Variants in COL27A1 observed in about 807,000 individuals in gnomAD.
The protein encoded by COL27A1 is collagen alpha-1(XXVII) chain.
COL27A1 carries 106 observed loss-of-function variants against 251.3 expected under a neutral mutation model. The observed-to-expected ratio is 0.42, with a 90% confidence interval of 0.36 to 0.50. COL27A1 has a LOEUF of 0.50. COL27A1 is among the 20% of genes least tolerant of loss of function. The pLI is 0.00. For synonymous variants in COL27A1, 1,000 were observed against 986.3 expected, an observed-to-expected ratio of 1.01 and a Z score of -0.26; for missense variants, 2,325 against 2,522.8, an observed-to-expected ratio of 0.92 and a Z score of 1.68.
chr9:114,169,530 G>C, intron 3 of COL27A1, 67 bp downstream of exon 3: 1 of 1,282,606 alleles, frequency 7.8e-7, no homozygotes, highest in Non-Finnish European at 1.1e-6. Context: ...TGGTCAAGTG[G>C]TTGCCCCTAG....
chr9:114,292,141 C>A lies in COL27A1; in HGVS notation c.4515C>A (p.Gly1505=). The change falls in exon 49 of 61, where the codon GGC becomes GGA. Residue 1505 remains glycine (G), a synonymous_variant. Coordinates refer to ENST00000356083, the MANE Select transcript of COL27A1 (RefSeq NM_032888.4). ...TACCCGGACAGCTGGGTCCCCCTGG[C>A]AAGCGAGGAACAGAGGGCAGAACGG... ...SGLPGQLGPP[G]KRGTEGRTGL... 1.3e-6 allele frequency: 2 copies of A among 1,561,566 alleles called. No individual in the cohort carries two copies. Among genetic ancestry groups the A allele is most frequent in the Non-Finnish European group, 8.7e-7 (1 of 1,152,650 alleles).
chr9:114,203,011 AT>A (rs1175742245), intron 7 of COL27A1, among the ~76,000 whole-genome samples: 2 of 152,218 alleles, frequency 1.3e-5, no homozygotes, highest in Non-Finnish European at 2.9e-5. Flanking sequence ...GTACAGTTCG[AT>A]AGCGTTAGGT....
intron 7 of COL27A1, among the ~76,000 whole-genome samples, chr9:114,201,329 G>A (rs879298137): frequency 5.3e-5 from 8 of 152,212 alleles, no homozygotes; most frequent in South Asian, 4.1e-4. Flanking sequence ...TTGGCGGGGC[G>A]CTGCACAAGA....
chr9:114,196,153 TGA>T (rs1829108480), intron 7 of COL27A1, 141 bp downstream of exon 7: 1 of 750,812 alleles, frequency 1.3e-6, no homozygotes, highest in Non-Finnish European at 2.3e-6. Flanking sequence ...GGGTGAGAGG[TGA>T]GAGAGCTTTC....
chr9:114,169,029 G>T lies in COL27A1; in HGVS notation c.1474G>T (p.Ala492Ser), dbSNP rs765973811. Reference sequence around the variant, plus strand: ...ATTTACTGCTTTATCCTCATCTCCTGCCCCTACTCCTGGTTCTACCAGGAG... The same window carrying T: ...ATTTACTGCTTTATCCTCATCTCCTTCCCCTACTCCTGGTTCTACCAGGAG... The part of the protein sequence containing the change: ...PPFTALSSSP[A>S]PTPGSTRSTR... Residue 492 changes from alanine (A) to serine (S), a missense_variant, in exon 3 of 61, where the codon GCC becomes TCC. Transcript: ENST00000356083. 1.1e-5 allele frequency: 17 copies of T among 1,613,794 alleles called. No homozygotes were observed. Among genetic ancestry groups the T allele is most frequent in the Non-Finnish European group, 1.4e-5 (16 of 1,179,986 alleles).
intron 5 of COL27A1, among the ~76,000 whole-genome samples, 166 bp downstream of exon 5, chr9:114,183,241 C>T (rs1353148517): frequency 1.3e-5 from 2 of 152,250 alleles, no homozygotes; most frequent in African/African-American, 4.8e-5. Flanking sequence ...GGGCCCTGTG[C>T]CTGGTCCGGA....
At chr9:114,243,351 T>C (rs556838541) in intron 22 of COL27A1, among the ~76,000 whole-genome samples, 156 bp from the exon 23 acceptor site, 2 of 152,226 alleles carry the variant, frequency 1.3e-5, no homozygotes, top group Non-Finnish European at 2.9e-5. Context: ...CCAGGACAGC[T>C]GGCCACCTGG....
At position 114,160,397 on chromosome 9, in the gene COL27A1, C is replaced by T. The variant is rs528139412; in HGVS notation, c.63-2318C>T. 4.6e-5 allele frequency among the ~76,000 whole-genome samples: 7 copies of T among 151,360 alleles called. No homozygotes were observed. In the South Asian group the frequency reaches 8.3e-4, roughly 18 times the overall value. On this transcript the variant is annotated intron_variant, in intron 1 of 60. Coordinates refer to ENST00000356083, the MANE Select transcript of COL27A1 (RefSeq NM_032888.4). ...GTCTTGATCTCCTGACCTCATGATC[C>T]GCCTGCCTCGGCCTCCCAAAGTGCT...
In COL27A1 at chr9:114,288,336, T is replaced by G. The variant is rs953868723; in HGVS notation, c.3988-119T>G. 1.3e-5 allele frequency: 13 copies of G among 1,025,440 alleles called. No individual in the cohort carries two copies. In the African/African-American group the frequency reaches 1.9e-4, roughly 15 times the overall value. The allele number at this position is 1,025,440 out of a possible 1,614,324, so 63.5% of individuals were successfully genotyped here. A position where few individuals can be genotyped will look rare whatever the true frequency, so the allele number is the denominator to read the frequency against. ...CCTACCCTTCCCTCTCTAGTTTGTG[T>G]CCCCATCTGTAACCCTAAGCAGGCT... is the stretch of plus-strand genomic sequence containing the variant. On this transcript the variant is annotated intron_variant, in intron 41 of 60. Transcript: ENST00000356083.
chr9:114,260,765 TGGG>T (rs1834261822), intron 28 of COL27A1, among the ~76,000 whole-genome samples: 1 of 152,168 alleles, frequency 6.6e-6, no homozygotes, highest in African/African-American at 2.4e-5. Flanking sequence ...TGGGGTCAGA[TGGG>T]CCTACGGCAA....
At chr9:114,284,664 C>T in intron 40 of COL27A1, 60 bp from the exon 41 acceptor site, 1 of 1,566,130 alleles carries the variant, frequency 6.4e-7, no homozygotes, top group Non-Finnish European at 8.8e-7. Flanking sequence ...TCTTGGAGTC[C>T]ATGTCCTTTG....
At chr9:114,199,187 G>T (rs867222485) in intron 7 of COL27A1, among the ~76,000 whole-genome samples, 21 of 152,176 alleles carry the variant, frequency 1.4e-4, no homozygotes, top group African/African-American at 4.8e-4. Flanking sequence ...CTCAACTTGG[G>T]GTGATTTTGC....
intron 41 of COL27A1, among the ~76,000 whole-genome samples, chr9:114,287,828 G>T (rs570289643): frequency 3.9e-5 from 6 of 152,284 alleles, no homozygotes; most frequent in African/African-American, 1.4e-4. Flanking sequence ...AGGGACTCTC[G>T]GGTTGAGGGT....
At chr9:114,289,011 G>A in intron 44 of COL27A1, 44 bp downstream of exon 44, 1 of 1,607,652 alleles carries the variant, frequency 6.2e-7, no homozygotes, top group Non-Finnish European at 8.5e-7. Context: ...CACCCTGAGT[G>A]GGGCGGAGCA....
chr9:114,309,118 T>C, intron 59 of COL27A1, 142 bp from the exon 60 acceptor site: 3 of 736,424 alleles, frequency 4.1e-6, no homozygotes, highest in Non-Finnish European at 7.3e-6. Context: ...GTCTATCAAG[T>C]GGGCACATGT....
At chr9:114,281,435 G>A (rs562946407) in intron 37 of COL27A1, among the ~76,000 whole-genome samples, 101 of 152,364 alleles carry the variant, frequency 6.6e-4, no homozygotes, top group African/African-American at 2.3e-3. Flanking sequence ...AGATCAGGCC[G>A]GAGGATCTCT....
intron 54 of COL27A1, 100 bp downstream of exon 54, chr9:114,301,562 C>T: frequency 1.3e-6 from 2 of 1,534,852 alleles, no homozygotes; most frequent in Non-Finnish European, 1.8e-6. Context: ...CCTCCGTCAT[C>T]CCGTCTGTGC....
Position 114,252,614 on chromosome 9 carries a change from C to G in COL27A1, c.3055C>G (p.Pro1019Ala). 6.2e-7 allele frequency: 1 copy of G among 1,613,838 alleles called. No individual in the cohort carries two copies. The highest frequency in any genetic ancestry group is 1.1e-5 in the South Asian group (1 of 91,076). Reference sequence around the variant, plus strand: ...ACAGGGTGATCGTGGCATGATGGGACCCCCAGGCGTGCCTGGACCCAAGGG... The same window carrying G: ...ACAGGGTGATCGTGGCATGATGGGAGCCCCAGGCGTGCCTGGACCCAAGGG... ...GEKGDRGMMG[P>A]PGVPGPKGSM... Residue 1019 changes from proline to alanine, a missense_variant, in exon 26 of 61, where the codon CCC becomes GCC. Around this residue, in one of 4 missense-constraint regions of COL27A1, gnomAD observed 662 missense variants for 795.3 expected, o/e 0.83. Transcript: ENST00000356083.
intron 21 of COL27A1, among the ~76,000 whole-genome samples, chr9:114,241,664 C>T (rs1160974952): frequency 6.6e-6 from 1 of 152,246 alleles, no homozygotes; most frequent in African/African-American, 2.4e-5. Flanking sequence ...TTCATTCATT[C>T]ATTCATTCAC....
Sources: gnomAD v4.1 joint callset for allele counts (sites outside exome capture counted in the v4.1 genomes callset) on GRCh38, gnomAD v4.1.1 for gene constraint, gnomAD v4.1.1 regional missense constraint, MANE v1.5 for transcripts, NCBI Gene and HGNC (gene_info 2026-07-23, HGNC 2026-07-21) for gene names.